Variants in SKAP2 observed in about 807,000 individuals in gnomAD.
SKAP2 encodes src kinase-associated phosphoprotein 2.
SKAP2 carries 28 observed loss-of-function variants against 54.9 expected under a neutral mutation model. The observed-to-expected ratio is 0.51, with a 90% CI of 0.38 to 0.70. The LOEUF (loss-of-function observed/expected upper bound fraction) is 0.70, where lower values mean the gene tolerates loss of function less well. Ranked by LOEUF, SKAP2 falls within the 30% of genes least tolerant of loss-of-function variation. The pLI is 0.00. For synonymous variants in SKAP2, 137 were observed against 134.3 expected, an observed-to-expected ratio of 1.02 and a Z score of -0.14; for missense variants, 356 against 424.1, an observed-to-expected ratio of 0.84 and a Z score of 1.41.
At chr7:26,741,702 C>T (rs1782459905) in intron 4 of SKAP2, among the ~76,000 whole-genome samples, 1 of 151,670 alleles carries the variant, frequency 6.6e-6, no homozygotes, top group Admixed American at 6.6e-5. Flanking sequence ...ATGCCTGTAT[C>T]AAAACATACA....
chr7:26,693,584 C>T (rs570367101), intron 9 of SKAP2, among the ~76,000 whole-genome samples: 1 of 151,960 alleles, frequency 6.6e-6, no homozygotes, highest in Admixed American at 6.6e-5. Context: ...CTTAAATTAT[C>T]AGAATAATGA....
In SKAP2 at chr7:26,855,118, C is replaced by A. The variant is rs1584429185; in HGVS notation, c.68-228G>T. On this transcript the variant is annotated intron_variant, in intron 1 of 12. Transcript: ENST00000345317. ...ATTTGTAAGTTCTACTTATGCTTAC[C>A]ACAGCAAATACTATTTGGATGTTTG... is the stretch of plus-strand genomic sequence containing the variant. The A allele has an allele frequency of 1.3e-5, 4 of 307,156 alleles. No homozygotes were observed. The East Asian group carries it at 2.3e-4, about 18-fold the overall frequency. 19.0% of individuals were successfully genotyped at this position (307,156 alleles called of 1,614,324 possible). A position where few individuals can be genotyped will look rare whatever the true frequency, so the allele number is the denominator to read the frequency against.
Position 26,695,304 on chromosome 7 carries a change from A to ATT in SKAP2, c.797-4944_797-4943dup, listed in dbSNP as rs1279429140. 5.9e-5 allele frequency among the ~76,000 whole-genome samples: 9 copies of ATT among 152,242 alleles called. No homozygotes were observed. The East Asian group carries it at 1.3e-3, about 23-fold the overall frequency. On this transcript the variant is annotated intron_variant, in intron 9 of 12. Coordinates refer to ENST00000345317, the MANE Select transcript of SKAP2 (RefSeq NM_003930.5). The stretch of plus-strand genomic sequence containing the variant: ...GTCCAGGCATTATTTAATATTATAT[A>ATT]TTTTTCTCAGGAAATGTGAATATTT...
intron 4 of SKAP2, among the ~76,000 whole-genome samples, chr7:26,797,554 C>A (rs1003091591): frequency 2.0e-5 from 3 of 152,116 alleles, no homozygotes; most frequent in African/African-American, 7.2e-5. Context: ...ATCTGAAAGT[C>A]TTCCCAAGAA....
intron 4 of SKAP2, among the ~76,000 whole-genome samples, chr7:26,841,175 TG>T (rs1784809414): frequency 1.3e-5 from 2 of 152,194 alleles, no homozygotes; most frequent in East Asian, 1.9e-4. Flanking sequence ...CTGACAAAGC[TG>T]TGGCTACTCT....
intron 1 of SKAP2, chr7:26,857,787 G>C (rs565730747): frequency 1.1e-6 from 1 of 947,534 alleles, no homozygotes; most frequent in Admixed American, 6.2e-5. Context: ...AGCAATAAGA[G>C]TCTTGGGCGA....
intron 4 of SKAP2, among the ~76,000 whole-genome samples, chr7:26,759,981 T>C (rs1023664019): frequency 5.9e-5 from 9 of 152,038 alleles, no homozygotes; most frequent in African/African-American, 1.9e-4. Context: ...AAAAGATGCA[T>C]TTCCACACTG....
At chr7:26,767,077 G>T (rs774491869) in intron 4 of SKAP2, among the ~76,000 whole-genome samples, 3 of 152,086 alleles carry the variant, frequency 2.0e-5, no homozygotes, top group Non-Finnish European at 4.4e-5. Flanking sequence ...GGTACAATTC[G>T]CCTGTGAATC....
intron 4 of SKAP2, among the ~76,000 whole-genome samples, chr7:26,786,317 G>A (rs1054497622): frequency 2.0e-5 from 3 of 152,184 alleles, no homozygotes; most frequent in Non-Finnish European, 2.9e-5. Context: ...GACAGACAAG[G>A]TCTCTAACCT....
In SKAP2 at chr7:26,667,238, T is replaced by C. The variant is rs1412384651; in HGVS notation, c.*2428A>G. 6.6e-6 allele frequency: 1 copy of C among 152,156 alleles called. No individual in the cohort carries two copies. Among genetic ancestry groups the C allele is most frequent in the Non-Finnish European group, 1.5e-5 (1 of 68,026 alleles). The allele number at this position is 152,156 out of a possible 1,614,324, so 9.4% of individuals were successfully genotyped here. On this transcript the variant is annotated 3_prime_UTR_variant, in exon 13 of 13. Transcript: ENST00000345317. ...TGAAAAAAATTAGCTCTCTAACTGT[T>C]CACAGAAAAACAAATAAAAGCTAAG... is the stretch of plus-strand genomic sequence containing the variant.
intron 5 of SKAP2, 50 bp downstream of exon 5, chr7:26,739,833 TTCTA>T: frequency 7.9e-7 from 1 of 1,271,318 alleles, no homozygotes; most frequent in Non-Finnish European, 1.1e-6. Context: ...TACAAACATG[TTCTA>T]TCTAAGGATG....
At chr7:26,692,193 AG>A (rs11313387) in intron 9 of SKAP2, among the ~76,000 whole-genome samples, 36,305 of 151,462 alleles carry the variant, frequency 0.24, 5,255 homozygotes, top group African/African-American at 0.4. Flanking sequence ...TGGAGGAATG[AG>A]GGGGGGGAAA....
At chr7:26,664,558 T>C (rs1255219048), downstream of SKAP2, among the ~76,000 whole-genome samples, 1 of 152,094 alleles carries the variant, frequency 6.6e-6, no homozygotes, top group Non-Finnish European at 1.5e-5. Context: ...TGTGACACTT[T>C]CCTCAAACAA....
At chr7:26,757,557 T>C (rs974900590) in intron 4 of SKAP2, among the ~76,000 whole-genome samples, 1 of 152,228 alleles carries the variant, frequency 6.6e-6, no homozygotes, top group Non-Finnish European at 1.5e-5. Context: ...ACCAGTACCA[T>C]GCTGTTTTGG....
At chr7:26,801,552 G>A (rs1483768877) in intron 4 of SKAP2, among the ~76,000 whole-genome samples, 5 of 152,106 alleles carry the variant, frequency 3.3e-5, no homozygotes, top group Admixed American at 1.3e-4. Context: ...AAATTGGAAA[G>A]GAGGAAGTCA....
intron 1 of SKAP2, among the ~76,000 whole-genome samples, chr7:26,862,143 T>A (rs1325809368): frequency 6.6e-6 from 1 of 152,048 alleles, no homozygotes; most frequent in East Asian, 1.9e-4. Flanking sequence ...TCTAGTCATA[T>A]ACTATTACCC....
chr7:26,738,171 T>C (rs1027236543), intron 6 of SKAP2, among the ~76,000 whole-genome samples: 2 of 152,210 alleles, frequency 1.3e-5, no homozygotes, highest in African/African-American at 4.8e-5. Context: ...TCCAACTCTG[T>C]GACCTTGAAC....
At chr7:26,854,504 T>G (rs6461980) in intron 2 of SKAP2, among the ~76,000 whole-genome samples, 32,382 of 151,874 alleles carry the variant, frequency 0.21, 3,551 homozygotes, top group Non-Finnish European at 0.24. Context: ...CACCTTTGTC[T>G]TATCATTTAA....
At chr7:26,673,601 A>G (rs970763300) in intron 11 of SKAP2, among the ~76,000 whole-genome samples, 1 of 152,058 alleles carries the variant, frequency 6.6e-6, no homozygotes, top group Non-Finnish European at 1.5e-5. Flanking sequence ...AAGAAATTCA[A>G]TATCTGCAAA....
Sources: allele counts gnomAD v4.1 joint callset (sites outside exome capture counted in the v4.1 genomes callset), GRCh38; gene constraint gnomAD v4.1.1; transcripts MANE v1.5; gene names NCBI Gene and HGNC (gene_info 2026-07-23, HGNC 2026-07-21).